PCCA: variants seen among roughly 807,000 people sequenced by gnomAD.
PCCA encodes the protein propionyl-CoA carboxylase subunit alpha.
In PCCA, 74 loss-of-function variants were observed where a neutral mutation model predicts 101.3. That is an observed-to-expected ratio of 0.73 (90% CI 0.61 to 0.89). The LOEUF (loss-of-function observed/expected upper bound fraction) is 0.89. Ranked by LOEUF, PCCA falls within the 40% of genes least tolerant of loss-of-function variation. The pLI is 0.00. For missense variants in PCCA, 891 were observed against 907.0 expected (o/e 0.98, Z 0.23); for synonymous variants, 294 against 313.6 (o/e 0.94, Z 0.66).
intron 2 of PCCA, among the ~76,000 whole-genome samples, chr13:100,105,157 TC>T (rs2047635576): frequency 6.6e-6 from 1 of 152,198 alleles, no homozygotes; most frequent in Non-Finnish European, 1.5e-5. Flanking sequence ...GTCTTCTAAA[TC>T]CAGTGTATAT....
intron 16 of PCCA, among the ~76,000 whole-genome samples, chr13:100,318,331 C>T (rs376956113): frequency 4.6e-5 from 7 of 151,664 alleles, no homozygotes; most frequent in African/African-American, 1.7e-4. Context: ...AAATCTCTCT[C>T]TGTCTCTGTC....
intron 18 of PCCA, among the ~76,000 whole-genome samples, chr13:100,362,691 A>G (rs1489251849): frequency 6.6e-6 from 1 of 152,188 alleles, no homozygotes; most frequent in Non-Finnish European, 1.5e-5. Flanking sequence ...ATTTAAATAT[A>G]TGAGATTATG....
chr13:100,125,772 G>C (rs890160527), intron 4 of PCCA, among the ~76,000 whole-genome samples: 9 of 152,070 alleles, frequency 5.9e-5, no homozygotes, highest in African/African-American at 1.9e-4. Flanking sequence ...TCAATTTTAA[G>C]TGTTTTGATT....
intron 4 of PCCA, among the ~76,000 whole-genome samples, chr13:100,146,183 T>G (rs1485113352): frequency 6.6e-6 from 1 of 151,612 alleles, no homozygotes; most frequent in Non-Finnish European, 1.5e-5. Flanking sequence ...TCAAGCGATC[T>G]GCCTGCCTCC....
chr13:100,122,683 G>T (rs1445477642), intron 4 of PCCA, among the ~76,000 whole-genome samples: 1 of 152,042 alleles, frequency 6.6e-6, no homozygotes, highest in Non-Finnish European at 1.5e-5. Context: ...AGACATTTGA[G>T]CCTTCCCTTT....
chr13:100,289,010 G>A (rs968324304), intron 12 of PCCA, among the ~76,000 whole-genome samples: 20 of 152,050 alleles, frequency 1.3e-4, no homozygotes, highest in Non-Finnish European at 1.5e-5. Context: ...CTCTTGGCTG[G>A]AGTATCAGAC....
chr13:100,362,718 C>G (rs1000519521), intron 18 of PCCA, among the ~76,000 whole-genome samples: 2 of 152,168 alleles, frequency 1.3e-5, no homozygotes, highest in African/African-American at 4.8e-5. Context: ...ATTACGTATT[C>G]TATCCTAGAT....
chr13:100,284,067 C>A (rs1037195796), intron 12 of PCCA, among the ~76,000 whole-genome samples: 1 of 152,228 alleles, frequency 6.6e-6, no homozygotes, highest in Non-Finnish European at 1.5e-5. Context: ...AAATTGACTT[C>A]CTCCTGGACA....
chr13:100,320,117 GCTCT>G (rs1248913813), intron 16 of PCCA, among the ~76,000 whole-genome samples: 2 of 152,030 alleles, frequency 1.3e-5, no homozygotes, highest in African/African-American at 4.8e-5. Flanking sequence ...TCATGATTTG[GCTCT>G]CTGTTTGTCT....
intron 8 of PCCA, among the ~76,000 whole-genome samples, chr13:100,254,990 G>A (rs1316145519): frequency 6.6e-6 from 1 of 152,044 alleles, no homozygotes. Flanking sequence ...GGAGGCTGAG[G>A]TGGGAGGGTT....
chr13:100,440,001 A>C (rs2080219574), intron 20 of PCCA, among the ~76,000 whole-genome samples: 1 of 151,794 alleles, frequency 6.6e-6, no homozygotes, highest in African/African-American at 2.4e-5. Flanking sequence ...GCACCACTGC[A>C]TTCTATATTG....
At chr13:100,343,228 TA>T (rs1259517292) in intron 18 of PCCA, among the ~76,000 whole-genome samples, 1 of 152,034 alleles carries the variant, frequency 6.6e-6, no homozygotes, top group African/African-American at 2.4e-5. Flanking sequence ...AACAATCTAA[TA>T]AAAAACGGGC....
chr13:100,388,736 A>T (rs1793747077), intron 19 of PCCA, among the ~76,000 whole-genome samples: 1 of 152,216 alleles, frequency 6.6e-6, no homozygotes. Flanking sequence ...TAGAAGTTGC[A>T]GTGAGCCAAG....
intron 21 of PCCA, among the ~76,000 whole-genome samples, chr13:100,510,547 A>T (rs2086403848): frequency 3.9e-5 from 6 of 152,210 alleles, no homozygotes; most frequent in Admixed American, 3.9e-4. Flanking sequence ...GAGCTGGGAG[A>T]TTGAAGAAAA....
chr13:100,164,055 A>G (rs2054784535), intron 6 of PCCA, among the ~76,000 whole-genome samples: 2 of 152,232 alleles, frequency 1.3e-5, no homozygotes, highest in South Asian at 4.2e-4. Flanking sequence ...TATGTATTTC[A>G]TCTGCATGTA....
intron 22 of PCCA, 87 bp downstream of exon 22, chr13:100,515,654 G>A: frequency 6.6e-7 from 1 of 1,511,406 alleles, no homozygotes; most frequent in South Asian, 1.1e-5. Flanking sequence ...GCACGATTCG[G>A]CTCTTTGCAG....
chr13:100,388,464 AAAAC>A (rs1470365213), intron 19 of PCCA, among the ~76,000 whole-genome samples: 11 of 152,182 alleles, frequency 7.2e-5, no homozygotes, highest in Middle Eastern at 3.2e-3. Context: ...ACCCCATCTC[AAAAC>A]AAACAAACAA....
At chr13:100,372,261 A>G (rs2075617877) in intron 19 of PCCA, among the ~76,000 whole-genome samples, 1 of 152,180 alleles carries the variant, frequency 6.6e-6, no homozygotes, top group South Asian at 2.1e-4. Context: ...CTGAGGCAGG[A>G]GAAGCTCTTC....
At chr13:100,402,827 T>C (rs2152857036) in intron 19 of PCCA, among the ~76,000 whole-genome samples, 1 of 152,242 alleles carries the variant, frequency 6.6e-6, no homozygotes. Flanking sequence ...GATGGTAGAA[T>C]TCTGTTAGGC....
Sources: allele counts gnomAD v4.1 joint callset (sites outside exome capture counted in the v4.1 genomes callset), GRCh38; gene constraint gnomAD v4.1.1; transcripts MANE v1.5; gene names NCBI Gene and HGNC (gene_info 2026-07-23, HGNC 2026-07-21).